CFAP20DC: variants seen among roughly 807,000 people sequenced by gnomAD.
CFAP20DC encodes the protein protein CFAP20DC.
In CFAP20DC, 84 loss-of-function variants were observed where a neutral mutation model predicts 101.7. That is an observed-to-expected ratio of 0.83 (90% CI 0.69 to 0.99). CFAP20DC has a LOEUF of 0.99. Among genes scored for constraint, CFAP20DC ranks in the 50% least tolerant of loss-of-function variants. The probability of loss-of-function intolerance (pLI) is 0.00; values close to 1 mark genes in which losing one functional copy is unlikely to be tolerated. For missense variants in CFAP20DC, 1,007 were observed against 970.3 expected (o/e 1.04, Z -0.50); for synonymous variants, 359 against 351.2 (o/e 1.02, Z -0.25).
At chr3:58,819,417 A>T (rs2075444938) in intron 14 of CFAP20DC, among the ~76,000 whole-genome samples, 1 of 151,908 alleles carries the variant, frequency 6.6e-6, no homozygotes, top group Non-Finnish European at 1.5e-5. Flanking sequence ...AGAAAAAAAG[A>T]GAGAAGAATC....
At position 58,831,810 on chromosome 3, in the gene CFAP20DC, T is replaced by G. The variant is rs1015643087; in HGVS notation, c.2051A>C (p.Gln684Pro). 4 of 1,614,036 alleles carry G rather than the reference T, an allele frequency of 2.5e-6. No individual in the cohort carries two copies. In the African/African-American group the frequency reaches 4.0e-5, roughly 16 times the overall value. Residue 684 changes from glutamine to proline, a missense_variant, in exon 14 of 17, where the codon CAA becomes CCA. Transcript: ENST00000482387. ...CCCAGCATCCTCCAGTTCTTCATTTTGTTGCCACCGTAGGCTTGCTAGCAT... is the reference window on the plus strand; with the variant it reads ...CCCAGCATCCTCCAGTTCTTCATTTGGTTGCCACCGTAGGCTTGCTAGCAT... ...LQMLASLRWQ[Q>P]NEELEDAGTS...
intron 13 of CFAP20DC, among the ~76,000 whole-genome samples, chr3:58,836,328 T>A (rs747946152): frequency 2.6e-5 from 4 of 152,110 alleles, no homozygotes; most frequent in Admixed American, 6.6e-5. Context: ...AGCAAAAACA[T>A]AAAACACAAC....
chr3:59,025,951 T>C (rs2093884848), intron 4 of CFAP20DC, among the ~76,000 whole-genome samples: 1 of 152,138 alleles, frequency 6.6e-6, no homozygotes, highest in Non-Finnish European at 1.5e-5. Flanking sequence ...AAAAAAACTT[T>C]TCATAAACAT....
intron 15 of CFAP20DC, among the ~76,000 whole-genome samples, chr3:58,792,937 A>G (rs1340123321): frequency 6.6e-6 from 1 of 152,148 alleles, no homozygotes. Flanking sequence ...AGTTTAGAGA[A>G]GAACTGATTT....
intron 4 of CFAP20DC, among the ~76,000 whole-genome samples, chr3:58,943,707 C>G (rs1406145380): frequency 6.6e-6 from 1 of 152,138 alleles, no homozygotes; most frequent in African/African-American, 2.4e-5. Flanking sequence ...GGAAACAAAA[C>G]TGGACAGAGA....
At chr3:58,734,552 A>T (rs1195230264) in intron 3 of CFAP20DC, 1 of 456,390 alleles carries the variant, frequency 2.2e-6, no homozygotes, top group Non-Finnish European at 4.4e-6. Context: ...TCTGGGATTA[A>T]ATCATCCTTT....
Position 58,884,593 on chromosome 3 carries a change from G to C in CFAP20DC, c.667C>G (p.Gln223Glu). The C allele has an allele frequency of 6.2e-7, 1 of 1,613,926 alleles. No individual in the cohort carries two copies. The highest frequency in any genetic ancestry group is 8.5e-7 in the Non-Finnish European group (1 of 1,179,902). ...TGGCCTCCGAATTTTATTTCAGTTT[G>C]GCGAAGTTTAGTCATGTTTAGCAGC... The part of the protein sequence containing the change: ...TQLLNMTKLR[Q>E]TEIKFGGHPL... The change falls in exon 7 of 17, where the codon CAA becomes GAA. Residue 223 changes from glutamine (Q) to glutamate (E), a missense_variant. Transcript: ENST00000482387.
intron 4 of CFAP20DC, among the ~76,000 whole-genome samples, chr3:59,026,234 G>A (rs1007364767): frequency 2.0e-5 from 3 of 151,988 alleles, no homozygotes; most frequent in Admixed American, 6.6e-5. Flanking sequence ...CACGAGATGC[G>A]TTCAAAATAT....
intron 13 of CFAP20DC, 108 bp from the exon 14 acceptor site, chr3:58,831,997 C>T (rs879759562): frequency 1.1e-6 from 1 of 875,784 alleles, no homozygotes; most frequent in East Asian, 2.5e-5. Flanking sequence ...CTGACAGAGG[C>T]CCAAATCCCT....
intron 6 of CFAP20DC, among the ~76,000 whole-genome samples, chr3:58,901,391 T>C (rs137963092): frequency 6.6e-6 from 1 of 152,224 alleles, no homozygotes; most frequent in Non-Finnish European, 1.5e-5. Flanking sequence ...CACCACTTAT[T>C]AGCTGTGTGA....
At chr3:59,003,478 T>A (rs2093361335) in intron 4 of CFAP20DC, among the ~76,000 whole-genome samples, 1 of 152,174 alleles carries the variant, frequency 6.6e-6, no homozygotes, top group East Asian at 1.9e-4. Context: ...GTACTATTCA[T>A]TACCTTTCTA....
intron 7 of CFAP20DC, among the ~76,000 whole-genome samples, chr3:58,876,106 T>C (rs1446061509): frequency 1.3e-5 from 2 of 152,232 alleles, no homozygotes; most frequent in East Asian, 3.9e-4. Context: ...GTACACTTTA[T>C]TTTTCACAAA....
chr3:58,925,216 T>C (rs2085818536), intron 5 of CFAP20DC, among the ~76,000 whole-genome samples: 1 of 152,184 alleles, frequency 6.6e-6, no homozygotes, highest in Non-Finnish European at 1.5e-5. Flanking sequence ...TTGTGACTAC[T>C]GTGTTGTTGA....
intron 1 of CFAP20DC, among the ~76,000 whole-genome samples, chr3:59,047,963 T>C (rs559950582): frequency 4.8e-4 from 73 of 152,326 alleles, no homozygotes; most frequent in African/African-American, 1.7e-3. Context: ...TTTTTACGTA[T>C]GTAATACAAA....
chr3:58,753,971 TC>T (rs981853536), intron 15 of CFAP20DC, 108 bp from the exon 16 acceptor site: 7 of 670,878 alleles, frequency 1.0e-5, no homozygotes, highest in Admixed American at 6.2e-5. Flanking sequence ...ACACTTTTTT[TC>T]CTCCTTCATA....
chr3:58,810,528 A>G (rs2074526982), intron 14 of CFAP20DC, among the ~76,000 whole-genome samples: 1 of 152,068 alleles, frequency 6.6e-6, no homozygotes, highest in Non-Finnish European at 1.5e-5. Context: ...AACTCTCAAT[A>G]AATTAGGTAT....
At chr3:58,811,192 T>G (rs1043066609) in intron 14 of CFAP20DC, among the ~76,000 whole-genome samples, 1 of 152,062 alleles carries the variant, frequency 6.6e-6, no homozygotes, top group African/African-American at 2.4e-5. Flanking sequence ...TTCACAGAAT[T>G]GGAAAAAACT....
At chr3:58,970,121 AACT>A (rs2091863065) in intron 4 of CFAP20DC, among the ~76,000 whole-genome samples, 1 of 152,150 alleles carries the variant, frequency 6.6e-6, no homozygotes. Flanking sequence ...ATAAAATGAG[AACT>A]ACTATTTTTA....
In CFAP20DC at chr3:59,002,544, A is replaced by G. The variant is rs1245545549; in HGVS notation, c.278+37013T>C. 6.6e-6 allele frequency among the ~76,000 whole-genome samples: 1 copy of G among 152,232 alleles called. No homozygotes were observed. The highest frequency in any genetic ancestry group is 2.4e-5 in the African/African-American group (1 of 41,468). ...GTACACCCTGGTCATCATAACAAAA[A>G]GAAAATAAAAGTTACTCACAAATTA... On this transcript the variant is annotated intron_variant, in intron 4 of 16. Coordinates refer to ENST00000482387, the MANE Select transcript of CFAP20DC (RefSeq NM_001394063.1). The surrounding 1 kb of genome is among the most constrained non-coding windows in gnomAD (Gnocchi z 4.5).
Sources: allele counts gnomAD v4.1 joint callset (sites outside exome capture counted in the v4.1 genomes callset), GRCh38; gene constraint gnomAD v4.1.1; non-coding constraint Gnocchi (gnomAD v3.1); transcripts MANE v1.5; gene names NCBI Gene and HGNC (gene_info 2026-07-23, HGNC 2026-07-21).